TGFBR3: variants seen among roughly 807,000 people sequenced by gnomAD.
TGFBR3 encodes the protein transforming growth factor beta receptor 3, also known as transforming growth factor beta receptor type 3.
TGFBR3 carries 46 observed loss-of-function variants against 87.9 expected under a neutral mutation model. The observed-to-expected ratio is 0.52, with a 90% confidence interval of 0.41 to 0.67. The LOEUF (loss-of-function observed/expected upper bound fraction) is 0.67. Ranked by LOEUF, TGFBR3 falls within the 30% of genes least tolerant of loss-of-function variation. The pLI is 0.00. For missense variants in TGFBR3, 866 were observed against 1,041.9 expected, an observed-to-expected ratio of 0.83 and a Z score of 2.32; for synonymous variants, 381 against 391.6, an observed-to-expected ratio of 0.97 and a Z score of 0.32.
intron 2 of TGFBR3, among the ~76,000 whole-genome samples, chr1:91,833,277 C>A (rs1676924052): frequency 9.0e-6 from 1 of 111,460 alleles, no homozygotes. Context: ...GCCCAGGCGA[C>A]AGTAGGAGAC....
Position 91,727,805 on chromosome 1 carries a change from C to T in TGFBR3, c.739G>A (p.Ala247Thr). Residue 247 changes from alanine (A) to threonine (T), a missense_variant and splice_region_variant, in exon 7 of 17, where the codon GCT becomes ACT. Ala to Thr is a moderately conservative substitution (Grantham distance 58). Coordinates refer to ENST00000212355, the MANE Select transcript of TGFBR3 (RefSeq NM_003243.5). ...LITPNSNPYS[A>T]FQVDITIDIR... ...TCAATTGTTATATCCACCTGGAAAGCACTGTGAATGGAAGACAAAGGCAAA... is the reference window on the plus strand; with the variant it reads ...TCAATTGTTATATCCACCTGGAAAGTACTGTGAATGGAAGACAAAGGCAAA... The T allele has an allele frequency of 6.2e-7, 1 of 1,613,780 alleles. No individual in the cohort carries two copies. Among genetic ancestry groups the T allele is most frequent in the East Asian group, 2.2e-5 (1 of 44,836 alleles).
intron 3 of TGFBR3, chr1:91,771,098 G>C (rs1056765884): frequency 1.3e-5 from 2 of 152,166 alleles, no homozygotes; most frequent in African/African-American, 4.8e-5. Flanking sequence ...TGGCTTACGG[G>C]CTTGCTCAGT....
intron 2 of TGFBR3, among the ~76,000 whole-genome samples, chr1:91,808,724 A>G (rs1297570398): frequency 1.3e-5 from 2 of 152,174 alleles, no homozygotes; most frequent in Non-Finnish European, 2.9e-5. Context: ...CCTCTGCCTC[A>G]GCCTCCCAGA....
At chr1:91,895,756 T>G (rs1483297824) in intron 2 of TGFBR3, among the ~76,000 whole-genome samples, 1 of 152,242 alleles carries the variant, frequency 6.6e-6, no homozygotes, top group Non-Finnish European at 1.5e-5. Flanking sequence ...ATTTTTCAAC[T>G]GGAAAATCAA....
chr1:91,734,191 T>C (rs922620195), intron 5 of TGFBR3, among the ~76,000 whole-genome samples: 1 of 152,108 alleles, frequency 6.6e-6, no homozygotes, highest in Admixed American at 6.6e-5. Flanking sequence ...CCCTTTGCAA[T>C]GCAAGGAAAT....
chr1:91,776,104 T>C (rs932761756), intron 3 of TGFBR3, among the ~76,000 whole-genome samples: 2 of 152,224 alleles, frequency 1.3e-5, no homozygotes, highest in Non-Finnish European at 2.9e-5. Flanking sequence ...GATGGCTGTT[T>C]CATTGCAGCT....
chr1:91,812,930 T>C (rs1346167673), intron 2 of TGFBR3, among the ~76,000 whole-genome samples: 2 of 152,222 alleles, frequency 1.3e-5, no homozygotes, highest in Non-Finnish European at 2.9e-5. Flanking sequence ...TAGTTTTGCC[T>C]ATACTTTTCA....
At chr1:91,798,310 C>A (rs780772174) in intron 2 of TGFBR3, among the ~76,000 whole-genome samples, 1 of 152,192 alleles carries the variant, frequency 6.6e-6, no homozygotes, top group Non-Finnish European at 1.5e-5. Flanking sequence ...CCGTTGGCAT[C>A]TCTGTGGGAA....
intron 4 of TGFBR3, among the ~76,000 whole-genome samples, chr1:91,740,470 T>G (rs894137654): frequency 1.3e-4 from 19 of 151,982 alleles, no homozygotes; most frequent in African/African-American, 4.4e-4. Flanking sequence ...GTTCAATTGA[T>G]TCTCCTGCCT....
rs770241088 is a variant in TGFBR3, at chr1:91,697,973, G to C, written c.2329+116C>G. Reference sequence around the variant, plus strand: ...AGGGGAAAGGGGAAGGGGGAAGGGGGAATGAGAGCAGAAGTCTCCTTATCA... The same window carrying C: ...AGGGGAAAGGGGAAGGGGGAAGGGGCAATGAGAGCAGAAGTCTCCTTATCA... On this transcript the variant is annotated intron_variant, in intron 15 of 16. Transcript: ENST00000212355. 12 of 928,016 alleles carry C rather than the reference G, an allele frequency of 1.3e-5. No individual in the cohort carries two copies. The African/African-American group carries it at 2.0e-4, about 15-fold the overall frequency. 57.5% of individuals were successfully genotyped at this position (928,016 alleles called of 1,614,324 possible).
chr1:91,866,210 A>G (rs1018392398), intron 1 of TGFBR3, among the ~76,000 whole-genome samples: 1 of 152,196 alleles, frequency 6.6e-6, no homozygotes, highest in African/African-American at 2.4e-5. Flanking sequence ...ATCTTGCTCT[A>G]TCTAAGAGAA....
chr1:91,819,241 G>A (rs569004905), intron 2 of TGFBR3, among the ~76,000 whole-genome samples: 21 of 152,160 alleles, frequency 1.4e-4, no homozygotes, highest in South Asian at 1.0e-3. Flanking sequence ...GGTGGCATGC[G>A]CCTGTAATCC....
intron 2 of TGFBR3, among the ~76,000 whole-genome samples, chr1:91,893,387 CAATTCTT>C (rs1679487566): frequency 3.9e-5 from 6 of 152,124 alleles, no homozygotes; most frequent in African/African-American, 1.4e-4. Flanking sequence ...CGGGTTCAAG[CAATTCTT>C]GTGCCTCAGC....
At chr1:91,757,393 G>T (rs984119517) in intron 4 of TGFBR3, among the ~76,000 whole-genome samples, 3 of 152,110 alleles carry the variant, frequency 2.0e-5, no homozygotes, top group Non-Finnish European at 4.4e-5. Flanking sequence ...AGGTATCATG[G>T]GATATCCCCA....
chr1:91,891,388 C>T (rs113672275), intron 2 of TGFBR3, among the ~76,000 whole-genome samples: 2,586 of 151,720 alleles, frequency 0.017, 73 homozygotes, highest in African/African-American at 0.059. Context: ...GTCCCAGCTA[C>T]TTGGGAGGCT....
intron 12 of TGFBR3, among the ~76,000 whole-genome samples, chr1:91,715,870 A>G (rs1267420364): frequency 1.3e-5 from 2 of 152,066 alleles, no homozygotes; most frequent in South Asian, 2.1e-4. Context: ...AAAAGAAATA[A>G]AAGATAACAT....
intron 1 of TGFBR3, among the ~76,000 whole-genome samples, chr1:91,881,226 A>G (rs1481582899): frequency 6.6e-6 from 1 of 152,218 alleles, no homozygotes; most frequent in Admixed American, 6.5e-5. Flanking sequence ...TAAAGAAGTC[A>G]GCAGTGATCA....
intron 3 of TGFBR3, among the ~76,000 whole-genome samples, chr1:91,774,614 A>G (rs557352935): frequency 6.6e-6 from 1 of 152,324 alleles, no homozygotes; most frequent in South Asian, 2.1e-4. Context: ...AATCCTCCTC[A>G]GTAAGGACAA....
At chr1:91,862,830 G>A (rs1557750791) in intron 1 of TGFBR3, among the ~76,000 whole-genome samples, 4 of 152,164 alleles carry the variant, frequency 2.6e-5, no homozygotes, top group African/African-American at 7.2e-5. Flanking sequence ...TGGCATTTCC[G>A]GGAGCCATCT....
Sources: allele counts gnomAD v4.1 joint callset (sites outside exome capture counted in the v4.1 genomes callset), GRCh38; gene constraint gnomAD v4.1.1; transcripts MANE v1.5; gene names NCBI Gene and HGNC (gene_info 2026-07-23, HGNC 2026-07-21).